ZSWIM6: variants seen among roughly 807,000 people sequenced by gnomAD.
ZSWIM6 encodes zinc finger SWIM-type containing 6.
A neutral mutation model predicts 113.2 loss-of-function variants in ZSWIM6; 9 were observed. The observed-to-expected ratio is 0.08, with a 90% CI of 0.05 to 0.14. The LOEUF (loss-of-function observed/expected upper bound fraction) is 0.14, where lower values mean the gene tolerates loss of function less well. ZSWIM6 is among the 10% of genes least tolerant of loss of function. The pLI is 1.00. For synonymous variants in ZSWIM6, 611 were observed against 606.5 expected (o/e 1.01, Z -0.11); for missense variants, 1,162 against 1,552.2 (o/e 0.75, Z 4.22).
intron 1 of ZSWIM6, among the ~76,000 whole-genome samples, chr5:61,358,920 A>G (rs940268129): frequency 1.3e-5 from 2 of 152,228 alleles, no homozygotes; most frequent in Admixed American, 1.3e-4. Flanking sequence ...ATTGGACACT[A>G]CTGGCTTTGG....
intron 2 of ZSWIM6, among the ~76,000 whole-genome samples, chr5:61,479,745 C>A (rs1451934968): frequency 6.6e-6 from 1 of 152,126 alleles, no homozygotes; most frequent in Non-Finnish European, 1.5e-5. Flanking sequence ...TGTCTTCAGG[C>A]CTCAGTTTTC....
At chr5:61,425,792 G>T (rs1027662731) in intron 1 of ZSWIM6, among the ~76,000 whole-genome samples, 1 of 152,186 alleles carries the variant, frequency 6.6e-6, no homozygotes, top group African/African-American at 2.4e-5. Flanking sequence ...CTTATAAAAG[G>T]GATCAGAATG....
chr5:61,429,453 A>G (rs1352270113), intron 1 of ZSWIM6, among the ~76,000 whole-genome samples: 1 of 152,212 alleles, frequency 6.6e-6, no homozygotes, highest in Non-Finnish European at 1.5e-5. Context: ...CCTTGGCAAA[A>G]TCTGCTTTGG....
intron 1 of ZSWIM6, among the ~76,000 whole-genome samples, chr5:61,389,504 G>A (rs1192694407): frequency 2.2e-5 from 3 of 136,840 alleles, no homozygotes; most frequent in Non-Finnish European, 4.5e-5. Flanking sequence ...GCAGCCAGCC[G>A]AGATTGCACC....
chr5:61,416,351 C>G (rs541239940), intron 1 of ZSWIM6, among the ~76,000 whole-genome samples: 1 of 152,314 alleles, frequency 6.6e-6, no homozygotes, highest in South Asian at 2.1e-4. Context: ...GATGAGACTT[C>G]TTGAAATTTT....
At chr5:61,478,181 A>G (rs1747757120) in intron 2 of ZSWIM6, among the ~76,000 whole-genome samples, 1 of 152,216 alleles carries the variant, frequency 6.6e-6, no homozygotes, top group Non-Finnish European at 1.5e-5. Flanking sequence ...TGGTCTATAT[A>G]ATTAGCAAAT....
chr5:61,510,533 C>T (rs1218189985), intron 4 of ZSWIM6, among the ~76,000 whole-genome samples: 2 of 150,850 alleles, frequency 1.3e-5, no homozygotes, highest in Non-Finnish European at 2.9e-5. Context: ...GGGATTGCCT[C>T]CCTAGTTTTG....
intron 2 of ZSWIM6, among the ~76,000 whole-genome samples, chr5:61,479,776 A>T (rs1042751970): frequency 6.6e-6 from 1 of 152,200 alleles, no homozygotes; most frequent in South Asian, 2.1e-4. Context: ...AATGTGGACA[A>T]TGAAGAGTGC....
intron 2 of ZSWIM6, among the ~76,000 whole-genome samples, chr5:61,488,251 A>G (rs955036400): frequency 5.9e-5 from 9 of 151,794 alleles, no homozygotes; most frequent in African/African-American, 2.2e-4. Flanking sequence ...ATACTGTTGG[A>G]TTGGGTTTGC....
chr5:61,471,313 AGGGT>A (rs1455623918), intron 1 of ZSWIM6, among the ~76,000 whole-genome samples: 1 of 152,024 alleles, frequency 6.6e-6, no homozygotes, highest in Non-Finnish European at 1.5e-5. Flanking sequence ...AGAGAGAGAG[AGGGT>A]GGAACTGAAT....
chr5:61,454,876 C>G (rs886191246), intron 1 of ZSWIM6, among the ~76,000 whole-genome samples: 1 of 149,636 alleles, frequency 6.7e-6, no homozygotes, highest in African/African-American at 2.5e-5. Flanking sequence ...GAGCCACTGC[C>G]CCCAGTGAAG....
At chr5:61,508,741 G>A (rs923172802) in intron 4 of ZSWIM6, among the ~76,000 whole-genome samples, 1 of 152,032 alleles carries the variant, frequency 6.6e-6, no homozygotes, top group East Asian at 1.9e-4. Flanking sequence ...CAAACCTTAC[G>A]TGACTGGCAA....
chr5:61,442,028 T>C (rs1041297674), intron 1 of ZSWIM6, among the ~76,000 whole-genome samples: 9 of 152,110 alleles, frequency 5.9e-5, no homozygotes, highest in Non-Finnish European at 1.2e-4. Context: ...AATGTAACCA[T>C]GTGTGGGAAA....
chr5:61,412,173 A>G (rs755431885), intron 1 of ZSWIM6, among the ~76,000 whole-genome samples: 1 of 152,212 alleles, frequency 6.6e-6, no homozygotes, highest in Non-Finnish European at 1.5e-5. Flanking sequence ...GGGAATTGAG[A>G]TTGGGACCCT....
intron 1 of ZSWIM6, among the ~76,000 whole-genome samples, chr5:61,392,054 T>TG (rs759559818): frequency 1.3e-5 from 2 of 152,232 alleles, no homozygotes; most frequent in Non-Finnish European, 1.5e-5. Context: ...GAAAATTTGA[T>TG]GAAGTACTTT....
Position 61,545,246 on chromosome 5 carries a change from A to T in ZSWIM6, c.*929A>T, listed in dbSNP as rs1054190951. 6.6e-6 allele frequency: 1 copy of T among 151,758 alleles called. No individual in the cohort carries two copies. Among genetic ancestry groups the T allele is most frequent in the Non-Finnish European group, 1.5e-5 (1 of 67,978 alleles). 9.4% of individuals were successfully genotyped at this position (151,758 alleles called of 1,614,324 possible). A position where few individuals can be genotyped will look rare whatever the true frequency, so the allele number is the denominator to read the frequency against. Reference sequence around the variant, plus strand: ...AGAAATTATATATGTATATATATTTATACAACTTATGTATACATATATATA... The same window carrying T: ...AGAAATTATATATGTATATATATTTTTACAACTTATGTATACATATATATA... On this transcript the variant is annotated 3_prime_UTR_variant, in exon 14 of 14. Coordinates refer to ENST00000252744, the MANE Select transcript of ZSWIM6 (RefSeq NM_020928.2).
At chr5:61,391,006 C>A in intron 1 of ZSWIM6, 2 of 753,472 alleles carry the variant, frequency 2.7e-6, no homozygotes, top group South Asian at 2.7e-5. Context: ...GACAAAGTAT[C>A]CCTGGCTGAT....
chr5:61,542,390 C>T (rs1459085861), intron 13 of ZSWIM6, among the ~76,000 whole-genome samples: 1 of 152,192 alleles, frequency 6.6e-6, no homozygotes, highest in Admixed American at 6.5e-5. Context: ...AAGAAGATTT[C>T]CTGGCTGCCC....
chr5:61,332,583 C>T lies in ZSWIM6; in HGVS notation c.311C>T (p.Pro104Leu). 3 of 1,355,258 alleles carry T rather than the reference C, an allele frequency of 2.2e-6. No homozygotes were observed. The highest frequency in any genetic ancestry group is 4.0e-5 in the East Asian group (1 of 24,796). The allele number at this position is 1,355,258 out of a possible 1,614,324, so 84.0% of individuals were successfully genotyped here. Residue 104 changes from proline to leucine, a missense_variant, in exon 1 of 14, where the codon CCG (proline) becomes CTG (leucine). Pro to Leu is a moderately conservative substitution (Grantham distance 98). Around this residue, in one of 4 missense-constraint regions of ZSWIM6, gnomAD observed 333 missense variants for 293.4 expected, o/e 1.13. Transcript: ENST00000252744. ...GAGCGCTTTGAGCGCATCCCGGAGC[C>T]GGTGCAGCGCCGCATAGTCTATTGG... Reference protein sequence around the residue: ...VEERFERIPEPVQRRIVYWSF... With the variant: ...VEERFERIPELVQRRIVYWSF...
Sources: allele counts gnomAD v4.1 joint callset (sites outside exome capture counted in the v4.1 genomes callset), GRCh38; gene constraint gnomAD v4.1.1; regional missense constraint gnomAD v4.1.1; transcripts MANE v1.5; gene names NCBI Gene and HGNC (gene_info 2026-07-23, HGNC 2026-07-21).